LAMB4: variants seen among roughly 807,000 people sequenced by gnomAD.
The protein encoded by LAMB4 is laminin subunit beta-4.
In LAMB4, 196 loss-of-function variants were observed where a neutral mutation model predicts 199.2. The ratio of observed to expected loss-of-function variants is 0.98; its 90% confidence interval spans 0.88 to 1.11. The LOEUF (loss-of-function observed/expected upper bound fraction) is 1.11. Among genes scored for constraint, LAMB4 ranks in the 50% least tolerant of loss-of-function variants. The pLI is 0.00. For synonymous variants in LAMB4, 744 were observed against 770.6 expected (o/e 0.97, Z 0.57); for missense variants, 2,080 against 2,171.2 (o/e 0.96, Z 0.83).
At chr7:108,078,855 T>TA (rs1193328302) in intron 15 of LAMB4, among the ~76,000 whole-genome samples, 1 of 152,184 alleles carries the variant, frequency 6.6e-6, no homozygotes, top group African/African-American at 2.4e-5. Flanking sequence ...GGCTTTCACT[T>TA]GTAAGTAAGA....
chr7:108,095,885 G>A (rs1381802643), intron 11 of LAMB4, among the ~76,000 whole-genome samples: 2 of 152,132 alleles, frequency 1.3e-5, no homozygotes, highest in African/African-American at 4.8e-5. Flanking sequence ...AAATACCAAC[G>A]TTCATGGAAA....
intron 5 of LAMB4, 110 bp from the exon 6 acceptor site, chr7:108,107,929 T>C (rs1483292120): frequency 1.3e-6 from 1 of 797,222 alleles, no homozygotes; most frequent in East Asian, 2.9e-5. Flanking sequence ...TTTAGGTGTA[T>C]CTTTTTGTTG....
intron 6 of LAMB4, 39 bp downstream of exon 6, chr7:108,107,592 T>A: frequency 6.8e-7 from 1 of 1,461,784 alleles, no homozygotes; most frequent in Non-Finnish European, 9.3e-7. Context: ...TTTTAAAAGT[T>A]TAATTTATAC....
chr7:108,089,372 C>T (rs1584726937), intron 14 of LAMB4, among the ~76,000 whole-genome samples: 1 of 152,200 alleles, frequency 6.6e-6, no homozygotes, highest in African/African-American at 2.4e-5. Context: ...ACACTCCCTG[C>T]TGTACCTGTG....
chr7:108,079,713 G>A lies in LAMB4; in HGVS notation c.1775C>T (p.Thr592Ile), dbSNP rs2036856115. The A allele has an allele frequency of 6.2e-7, 1 of 1,612,088 alleles. No homozygotes were observed. Among genetic ancestry groups the A allele is most frequent in the Non-Finnish European group, 8.5e-7 (1 of 1,179,272 alleles). ...LGEPVPGNPV[T>I]WTGPGFARVL... ...CCTGGCAAATCCAGGTCCAGTCCAT[G>A]TAACAGGGTTCCCAGGAACTGGCTC... The change falls in exon 15 of 34, where the codon ACA becomes ATA. Residue 592 changes from threonine to isoleucine, a missense_variant. Physicochemically the swap from Thr to Ile is moderately conservative, Grantham distance 89 (BLOSUM62 -1). Coordinates refer to ENST00000388781, the MANE Select transcript of LAMB4 (RefSeq NM_007356.3).
At chr7:108,078,389 C>T in intron 15 of LAMB4, 73 bp from the exon 16 acceptor site, 1 of 939,958 alleles carries the variant, frequency 1.1e-6, no homozygotes, top group Non-Finnish European at 1.7e-6. Context: ...ACACATATAG[C>T]TAATGGAAAG....
chr7:108,026,002 C>T (rs1009758822), intron 33 of LAMB4, among the ~76,000 whole-genome samples: 2 of 152,138 alleles, frequency 1.3e-5, no homozygotes, highest in African/African-American at 2.4e-5. Context: ...TGAGCAGTCT[C>T]CATCTCAGTT....
At chr7:108,012,543 A>G in the LAMB4 span, among the ~76,000 whole-genome samples, 1 of 152,372 alleles carries the variant, frequency 6.6e-6, no homozygotes, top group Non-Finnish European at 1.5e-5. Context: ...GTTTCTTCGA[A>G]ATACAAATGT....
At chr7:108,078,346 C>T (rs2150575873) in intron 15 of LAMB4, 30 bp from the exon 16 acceptor site, 4 of 1,344,536 alleles carry the variant, frequency 3.0e-6, no homozygotes, top group Non-Finnish European at 3.2e-6. Context: ...AGGCATGTCA[C>T]TGCAAGGATG....
At chr7:108,070,387 A>C (rs898987941) in intron 17 of LAMB4, among the ~76,000 whole-genome samples, 1 of 152,176 alleles carries the variant, frequency 6.6e-6, no homozygotes, top group East Asian at 1.9e-4. Context: ...GTGGCATCAC[A>C]ACCCTAGATG....
At chr7:108,019,347 T>C (rs2034643696), downstream of LAMB4, among the ~76,000 whole-genome samples, 1 of 151,948 alleles carries the variant, frequency 6.6e-6, no homozygotes, top group Non-Finnish European at 1.5e-5. Context: ...GACTCTCTCC[T>C]GCCTTCTCTT....
chr7:108,063,107 G>T, intron 22 of LAMB4, 113 bp from the exon 23 acceptor site: 1 of 599,464 alleles, frequency 1.7e-6, no homozygotes, highest in Non-Finnish European at 2.8e-6. Flanking sequence ...GGGGCTCAAA[G>T]AATGAACGCC....
intron 2 of LAMB4, among the ~76,000 whole-genome samples, chr7:108,118,006 A>G (rs2038468032): frequency 6.6e-6 from 1 of 152,162 alleles, no homozygotes; most frequent in African/African-American, 2.4e-5. Context: ...CCTGTGACTT[A>G]GAATGCCTTA....
chr7:108,092,270 C>T (rs775668018), intron 13 of LAMB4, 67 bp downstream of exon 13: 34 of 1,201,868 alleles, frequency 2.8e-5, no homozygotes, highest in Admixed American at 5.3e-5. Flanking sequence ...TGACTATGAG[C>T]GTATCAGAAT....
At position 108,062,833 on chromosome 7, in the gene LAMB4, T is replaced by C; in HGVS notation, c.3223A>G (p.Arg1075Gly). ...ADGYWNLVPG[R>G]GCQSCDCDPR... ...TCACAGTCACATGACTGACATCCTC[T>C]GCCAGGGACCAGATTCCAGTATCCA... The change falls in exon 23 of 34, where the codon AGA (arginine) becomes GGA (glycine). Residue 1075 changes from arginine (R) to glycine (G), a missense_variant. Coordinates refer to ENST00000388781, the MANE Select transcript of LAMB4 (RefSeq NM_007356.3). 6.4e-7 allele frequency: 1 copy of C among 1,556,656 alleles called. No homozygotes were observed. The highest frequency in any genetic ancestry group is 2.4e-5 in the East Asian group (1 of 42,358).
In LAMB4 at chr7:108,062,988, G is replaced by A. The variant is rs758453964; in HGVS notation, c.3068C>T (p.Ser1023Phe). 2.6e-6 allele frequency: 4 copies of A among 1,566,012 alleles called. No homozygotes were observed. Among genetic ancestry groups the A allele is most frequent in the Non-Finnish European group, 3.4e-6 (4 of 1,159,596 alleles). The change falls in exon 23 of 34, where the codon TCC becomes TTC. Residue 1023 changes from serine (S) to phenylalanine (F), a missense_variant. Transcript: ENST00000388781. ...SALNQTCRRC[S>F]CHASGVSPME... Reference sequence around the variant, plus strand: ...GGGACTCACGCCGGAAGCATGGCAGGAGCATCCTGTGATGACAAAACCATC... The same window carrying A: ...GGGACTCACGCCGGAAGCATGGCAGAAGCATCCTGTGATGACAAAACCATC...
chr7:108,071,670 T>A (rs1408296059), intron 17 of LAMB4, among the ~76,000 whole-genome samples: 1 of 152,150 alleles, frequency 6.6e-6, no homozygotes, highest in Non-Finnish European at 1.5e-5. Flanking sequence ...CCCACACACA[T>A]CAAATCACAA....
At chr7:108,043,381 A>G (rs1346244937) in intron 29 of LAMB4, among the ~76,000 whole-genome samples, 1 of 152,106 alleles carries the variant, frequency 6.6e-6, no homozygotes, top group Non-Finnish European at 1.5e-5. Flanking sequence ...ACTAAATTCT[A>G]GCATTTGTTA....
intron 26 of LAMB4, among the ~76,000 whole-genome samples, chr7:108,050,711 T>C (rs1011518833): frequency 4.6e-5 from 7 of 152,230 alleles, no homozygotes; most frequent in South Asian, 4.1e-4. Flanking sequence ...TCTTAATGTA[T>C]CATGCTTTTC....
Sources: gnomAD v4.1 joint callset for allele counts (sites outside exome capture counted in the v4.1 genomes callset) on GRCh38, gnomAD v4.1.1 for gene constraint, MANE v1.5 for transcripts, NCBI Gene and HGNC (gene_info 2026-07-23, HGNC 2026-07-21) for gene names.